The following PROX2 variants were observed in gnomAD, a reference collection of about 807,000 sequenced individuals.
PROX2 encodes prospero homeobox 2, also known as prospero homeobox protein 2.
PROX2 carries 46 observed loss-of-function variants against 48.9 expected under a neutral mutation model. The observed-to-expected ratio is 0.94, with a 90% CI of 0.74 to 1.20. PROX2 has a LOEUF of 1.20. Ranked by LOEUF, PROX2 falls within the 50% of genes most tolerant of loss-of-function variation. The probability of loss-of-function intolerance (pLI) is 0.00; values close to 1 mark genes in which losing one functional copy is unlikely to be tolerated. For missense variants in PROX2, 663 were observed against 719.4 expected (o/e 0.92, Z 0.90); for synonymous variants, 260 against 276.6 (o/e 0.94, Z 0.60).
intron 5 of PROX2, 187 bp downstream of exon 5, chr14:74,856,614 C>T: frequency 1.7e-6 from 1 of 580,628 alleles, no homozygotes. Flanking sequence ...ACTCAGTTTG[C>T]TGCTTCCACC....
In PROX2 at chr14:74,858,779, TG is replaced by T. The variant is rs1269135469; in HGVS notation, c.1306-266del. 5.1e-4 allele frequency: 43 copies of T among 84,716 alleles called. No homozygotes were observed. The East Asian group carries it at 7.4e-3, about 15-fold the overall frequency. 5.2% of individuals were successfully genotyped at this position (84,716 alleles called of 1,614,324 possible). On this transcript the variant is annotated intron_variant, in intron 3 of 5. Coordinates refer to ENST00000556489, the MANE Select transcript of PROX2 (RefSeq NM_001243007.2). Reference sequence around the variant, plus strand: ...ATGTCAAATACAGGTTGGTGTATTTTGTGTGTGTGTGTGTGTGTGTGTGTGT... The same window carrying T: ...ATGTCAAATACAGGTTGGTGTATTTTTGTGTGTGTGTGTGTGTGTGTGTGT...
At position 74,862,950 on chromosome 14, in the gene PROX2, T is replaced by C. The variant is rs779495377; in HGVS notation, c.885A>G (p.Gln295=). The C allele has an allele frequency of 6.2e-6, 10 of 1,613,876 alleles. No homozygotes were observed. The highest frequency in any genetic ancestry group is 8.5e-6 in the Non-Finnish European group (10 of 1,179,896). The change falls in exon 3 of 6, where the codon CAA becomes CAG. Residue 295 remains glutamine, a synonymous_variant. Coordinates refer to ENST00000556489, the MANE Select transcript of PROX2 (RefSeq NM_001243007.2). The part of the protein sequence containing the change: ...LAALPRRVQL[Q]AGVPVGNLSL... Reference sequence around the variant, plus strand: ...ATAAATTTCCTACTGGGACCCCAGCTTGTAGCTGGACCCTCCTGGGCAAGG... The same window carrying C: ...ATAAATTTCCTACTGGGACCCCAGCCTGTAGCTGGACCCTCCTGGGCAAGG...
chr14:74,855,441 G>C, intron 5 of PROX2, 139 bp from the exon 6 acceptor site: 1 of 537,378 alleles, frequency 1.9e-6, no homozygotes, highest in Non-Finnish European at 3.0e-6. Flanking sequence ...CCCTGATTCT[G>C]CAACCCTAGG....
rs377158531 is a variant in PROX2 at position 74,856,931 on chromosome 14, A to T, written c.1478T>A (p.Ile493Asn). ...TTGCCGGGCAGATTTTTCCATTTGG[A>T]TGTAATAAAACTCACGAAAGTTGCT... ...WFSNFREFYY[I>N]QMEKSARQAI... Residue 493 changes from isoleucine (I) to asparagine (N), a missense_variant, in exon 5 of 6, where the codon ATC becomes AAC. By Grantham distance (149) the Ile-to-Asn change is moderately radical. Transcript: ENST00000556489. The T allele has an allele frequency of 3.7e-5, 59 of 1,613,866 alleles. No homozygotes were observed. The highest frequency in any genetic ancestry group is 4.9e-5 in the Non-Finnish European group (58 of 1,179,884).
At chr14:74,860,658 T>C (rs2091787738) in intron 3 of PROX2, among the ~76,000 whole-genome samples, 1 of 152,164 alleles carries the variant, frequency 6.6e-6, no homozygotes, top group African/African-American at 2.4e-5. Context: ...TCTTGGAATA[T>C]AGGCAGCAGG....
chr14:74,875,286 A>G (rs1883313112), intron 1 of PROX2, among the ~76,000 whole-genome samples: 1 of 152,254 alleles, frequency 6.6e-6, no homozygotes, highest in South Asian at 2.1e-4. Context: ...TCTAAAAACC[A>G]AGGGAAATGT....
At chr14:74,859,801 G>A (rs1405781376) in intron 3 of PROX2, among the ~76,000 whole-genome samples, 1 of 152,156 alleles carries the variant, frequency 6.6e-6, no homozygotes, top group Non-Finnish European at 1.5e-5. Context: ...TGCTGCACAG[G>A]AGATCCCTCC....
intron 1 of PROX2, chr14:74,873,878 T>C (rs1676264980): frequency 8.9e-6 from 4 of 447,410 alleles, no homozygotes; most frequent in Non-Finnish European, 1.8e-5. Flanking sequence ...GTGGAATGCT[T>C]AGCATGGGAA....
intron 3 of PROX2, among the ~76,000 whole-genome samples, chr14:74,860,936 G>C (rs1462104023): frequency 6.6e-6 from 1 of 152,208 alleles, no homozygotes; most frequent in Non-Finnish European, 1.5e-5. Flanking sequence ...GGTTATCAAA[G>C]GCCCAGACAG....
intron 1 of PROX2, chr14:74,873,698 G>T: frequency 2.4e-6 from 1 of 424,306 alleles, no homozygotes; most frequent in South Asian, 2.0e-5. Context: ...AGGAATTAAG[G>T]CTTAAGGAAC....
Position 74,856,791 on chromosome 14 carries a change from A to G in PROX2, c.1608+10T>C. On this transcript the variant is annotated intron_variant, in intron 5 of 5. Transcript: ENST00000556489. The stretch of plus-strand genomic sequence containing the variant: ...ATCAGATCTCATGGGAACCCAGTAC[A>G]TGGTCTTACCTCAAAGTCATTTCCC... 1.2e-6 allele frequency: 2 copies of G among 1,611,206 alleles called. No homozygotes were observed. Among genetic ancestry groups the G allele is most frequent in the Non-Finnish European group, 1.7e-6 (2 of 1,177,376 alleles).
intron 3 of PROX2, chr14:74,858,742 G>A: frequency 4.2e-6 from 2 of 479,866 alleles, no homozygotes; most frequent in South Asian, 2.4e-5. Context: ...GAAAAGTTAT[G>A]TAGCATAGAT....
chr14:74,863,932 A>G lies in PROX2; in HGVS notation c.-98T>C. ...CTGGGCTTCCTCCTCTGCACTTAGA[A>G]GGGTAAAGAGCCACTGTCACTGAGG... On this transcript the variant is annotated 5_prime_UTR_variant, in exon 3 of 6. Transcript: ENST00000556489. 7.5e-7 allele frequency: 1 copy of G among 1,327,114 alleles called. No homozygotes were observed. The highest frequency in any genetic ancestry group is 9.6e-7 in the Non-Finnish European group (1 of 1,040,026). The allele number at this position is 1,327,114 out of a possible 1,614,324, so 82.2% of individuals were successfully genotyped here. A position where few individuals can be genotyped will look rare whatever the true frequency, so the allele number is the denominator to read the frequency against.
chr14:74,874,299 C>T, intron 1 of PROX2: 5 of 320,182 alleles, frequency 1.6e-5, no homozygotes, highest in South Asian at 1.3e-4. Flanking sequence ...TATTGCCAGG[C>T]TGGAGTGCAG....
rs1234880885 is a variant in PROX2 at position 74,855,097 on chromosome 14, A to C, written c.*35T>G. 1 of 1,406,584 alleles carries C rather than the reference A, an allele frequency of 7.1e-7. No homozygotes were observed. Among genetic ancestry groups the C allele is most frequent in the Admixed American group, 2.3e-5 (1 of 43,204 alleles). 87.1% of individuals were successfully genotyped at this position (1,406,584 alleles called of 1,614,324 possible). A position where few individuals can be genotyped will look rare whatever the true frequency, so the allele number is the denominator to read the frequency against. ...CAAACCCAGGAAACCCTAGCCAGTC[A>C]CTCCTCACGTTGTGGGATCTTAACC... On this transcript the variant is annotated 3_prime_UTR_variant, in exon 6 of 6. Coordinates refer to ENST00000556489, the MANE Select transcript of PROX2 (RefSeq NM_001243007.2).
chr14:74,856,791 A>C lies in PROX2; in HGVS notation c.1608+10T>G, dbSNP rs761256607. 6.2e-7 allele frequency: 1 copy of C among 1,611,206 alleles called. No individual in the cohort carries two copies. The highest frequency in any genetic ancestry group is 8.5e-7 in the Non-Finnish European group (1 of 1,177,376). ...ATCAGATCTCATGGGAACCCAGTAC[A>C]TGGTCTTACCTCAAAGTCATTTCCC... is the stretch of plus-strand genomic sequence containing the variant. On this transcript the variant is annotated intron_variant, in intron 5 of 5. Coordinates refer to ENST00000556489, the MANE Select transcript of PROX2 (RefSeq NM_001243007.2).
At chr14:74,866,125 G>A (rs1223336703) in intron 2 of PROX2, among the ~76,000 whole-genome samples, 1 of 151,968 alleles carries the variant, frequency 6.6e-6, no homozygotes, top group Non-Finnish European at 1.5e-5. Context: ...GAGTGTGGTG[G>A]CGGGCACCTG....
intron 1 of PROX2, among the ~76,000 whole-genome samples, chr14:74,872,830 GA>G (rs767619044): frequency 8.7e-4 from 132 of 152,194 alleles, no homozygotes; most frequent in Non-Finnish European, 1.5e-3. Context: ...GAAATGAGGA[GA>G]GGGGGTCAGA....
At position 74,875,887 on chromosome 14, in the gene PROX2, T is replaced by C. The variant is rs1458254933; in HGVS notation, c.-310+8A>G. On this transcript the variant is annotated splice_region_variant and intron_variant, in intron 1 of 5. Transcript: ENST00000556489. ...GGCAAGGTAAATGGAAAGGATGATGTTACTCACAGGGAAGAGGTCCTCTGG... is the reference window on the plus strand; with the variant it reads ...GGCAAGGTAAATGGAAAGGATGATGCTACTCACAGGGAAGAGGTCCTCTGG... 6.6e-6 allele frequency among the ~76,000 whole-genome samples: 1 copy of C among 152,242 alleles called. No homozygotes were observed. Among genetic ancestry groups the C allele is most frequent in the African/African-American group, 2.4e-5 (1 of 41,464 alleles).
Sources: gnomAD v4.1 joint callset for allele counts (sites outside exome capture counted in the v4.1 genomes callset) on GRCh38, gnomAD v4.1.1 for gene constraint, MANE v1.5 for transcripts, NCBI Gene and HGNC (gene_info 2026-07-23, HGNC 2026-07-21) for gene names.